ATE1: variants seen among roughly 807,000 people sequenced by gnomAD.
The protein encoded by ATE1 is arginyltransferase 1, also known as arginyl-tRNA--protein transferase 1.
ATE1 carries 36 observed loss-of-function variants against 70.5 expected under a neutral mutation model. That is an observed-to-expected ratio of 0.51 (90% CI 0.39 to 0.67). ATE1 has a LOEUF of 0.67. Ranked by LOEUF, ATE1 falls within the 30% of genes least tolerant of loss-of-function variation. The pLI is 0.00. For missense variants in ATE1, 593 were observed against 629.5 expected (o/e 0.94, Z 0.62); for synonymous variants, 232 against 219.3 (o/e 1.06, Z -0.51).
chr10:121,920,732 C>T (rs1335758544), intron 3 of ATE1, among the ~76,000 whole-genome samples: 1 of 152,106 alleles, frequency 6.6e-6, no homozygotes, highest in South Asian at 2.1e-4. Context: ...CAGTGGCTCA[C>T]GCCTGTAATA....
At chr10:121,793,750 C>T (rs2173244) in intron 10 of ATE1, among the ~76,000 whole-genome samples, 102,267 of 151,876 alleles carry the variant, frequency 0.67, 34,598 homozygotes, top group African/African-American at 0.74. Context: ...AAATATGTCA[C>T]AAATCTTTTC....
intron 8 of ATE1, among the ~76,000 whole-genome samples, chr10:121,856,435 C>A (rs1253528590): frequency 6.6e-6 from 1 of 152,094 alleles, no homozygotes; most frequent in Non-Finnish European, 1.5e-5. Context: ...GAGGCTGAGG[C>A]AGGAGAATCG....
At chr10:121,886,038 C>T (rs1322336944) in intron 7 of ATE1, among the ~76,000 whole-genome samples, 1 of 152,076 alleles carries the variant, frequency 6.6e-6, no homozygotes, top group African/African-American at 2.4e-5. Flanking sequence ...AATCTGAAAT[C>T]TGAAAGCTCC....
At chr10:121,817,516 G>A (rs917467894) in intron 10 of ATE1, among the ~76,000 whole-genome samples, 2 of 144,444 alleles carry the variant, frequency 1.4e-5, no homozygotes, top group African/African-American at 5.2e-5. Flanking sequence ...TCCAGCCTGG[G>A]CGACAGAGCG....
intron 11 of ATE1, 140 bp downstream of exon 11, chr10:121,790,029 T>TACAC (rs3036895): frequency 0.74 from 658,436 of 887,954 alleles, 219,442 homozygotes; most frequent in Admixed American, 0.78. Flanking sequence ...TCCTCTATCT[T>TACAC]ACACACACAC....
chr10:121,824,446 C>T (rs1477897427), intron 10 of ATE1, among the ~76,000 whole-genome samples: 1 of 152,176 alleles, frequency 6.6e-6, no homozygotes, highest in Non-Finnish European at 1.5e-5. Context: ...GCAGACGCAG[C>T]TCTGTTAATT....
intron 10 of ATE1, among the ~76,000 whole-genome samples, chr10:121,819,779 T>A (rs945675306): frequency 6.6e-6 from 1 of 151,356 alleles, no homozygotes; most frequent in Non-Finnish European, 1.5e-5. Context: ...ACTAAAGGAT[T>A]TATTCATGTA....
At chr10:121,918,162 G>A (rs917448305) in intron 3 of ATE1, among the ~76,000 whole-genome samples, 2 of 152,114 alleles carry the variant, frequency 1.3e-5, no homozygotes, top group Non-Finnish European at 1.5e-5. Context: ...GTGAAACCCC[G>A]TCTCTACTAA....
intron 7 of ATE1, among the ~76,000 whole-genome samples, chr10:121,877,105 ACT>A (rs781382907): frequency 2.6e-5 from 4 of 151,988 alleles, no homozygotes; most frequent in Non-Finnish European, 5.9e-5. Context: ...CCAAAGAAAG[ACT>A]CTGGTTCTGG....
intron 10 of ATE1, among the ~76,000 whole-genome samples, chr10:121,835,532 A>T (rs1195120514): frequency 2.6e-5 from 4 of 151,912 alleles, no homozygotes; most frequent in African/African-American, 9.7e-5. Flanking sequence ...TAAGAGACAC[A>T]TCGCAAATAT....
At chr10:121,920,848 G>T (rs1169872877) in intron 3 of ATE1, among the ~76,000 whole-genome samples, 1 of 151,916 alleles carries the variant, frequency 6.6e-6, no homozygotes, top group Non-Finnish European at 1.5e-5. Context: ...CAAAAAATTA[G>T]CCGGGCGTGG....
Position 121,913,817 on chromosome 10 carries a change from C to T in ATE1, c.310G>A (p.Gly104Arg), listed in dbSNP as rs1447163408. Residue 104 changes from glycine to arginine, a missense_variant, in exon 4 of 12, where the codon GGG becomes AGG. Physicochemically the swap from Gly to Arg is moderately radical, Grantham distance 125. Transcript: ENST00000224652. ...TCACAACTTCCTTTGGGAACCTCCC[C>T]TTTAGCTAGAAATTTCAACATTTTT... ...LKKMLKFLAK[G>R]EVPKGSCEDE... 1.2e-6 allele frequency: 2 copies of T among 1,613,128 alleles called. No homozygotes were observed. The highest frequency in any genetic ancestry group is 3.3e-5 in the Admixed American group (2 of 59,956).
intron 8 of ATE1, among the ~76,000 whole-genome samples, chr10:121,851,886 C>A (rs1949068759): frequency 6.6e-6 from 1 of 152,234 alleles, no homozygotes; most frequent in Admixed American, 6.5e-5. Context: ...GGAATGACTT[C>A]TGTGATTAAT....
intron 10 of ATE1, among the ~76,000 whole-genome samples, chr10:121,808,823 A>C (rs1414105344): frequency 6.6e-6 from 1 of 152,186 alleles, no homozygotes; most frequent in African/African-American, 2.4e-5. Flanking sequence ...ACTACACCAA[A>C]ATCGCACTAG....
intron 10 of ATE1, among the ~76,000 whole-genome samples, chr10:121,792,641 T>C (rs916832176): frequency 3.3e-5 from 5 of 152,216 alleles, no homozygotes; most frequent in African/African-American, 1.2e-4. Flanking sequence ...CACTGCTATC[T>C]ATCTTATCAA....
chr10:121,881,669 T>TAAAA (rs11309013), intron 7 of ATE1, among the ~76,000 whole-genome samples: 2 of 125,602 alleles, frequency 1.6e-5, no homozygotes, highest in African/African-American at 3.0e-5. Flanking sequence ...TCCTGTCTCT[T>TAAAA]AAAAAAAAAA....
chr10:121,893,598 C>CA (rs995921557), intron 7 of ATE1, among the ~76,000 whole-genome samples: 10 of 151,388 alleles, frequency 6.6e-5, no homozygotes, highest in South Asian at 2.1e-4. Context: ...AATAATGGCA[C>CA]AAAAAAGGGA....
At chr10:121,832,401 C>A (rs1948273918) in intron 10 of ATE1, among the ~76,000 whole-genome samples, 1 of 152,150 alleles carries the variant, frequency 6.6e-6, no homozygotes, top group African/African-American at 2.4e-5. Flanking sequence ...AGCACTATCC[C>A]CTAACAGAGC....
chr10:121,875,680 C>T (rs1950029335), intron 7 of ATE1, among the ~76,000 whole-genome samples: 1 of 152,120 alleles, frequency 6.6e-6, no homozygotes, highest in Non-Finnish European at 1.5e-5. Context: ...GCACGGCAGT[C>T]TCCTGAGACA....
Sources: gnomAD v4.1 joint callset for allele counts (sites outside exome capture counted in the v4.1 genomes callset) on GRCh38, gnomAD v4.1.1 for gene constraint, MANE v1.5 for transcripts, NCBI Gene and HGNC (gene_info 2026-07-23, HGNC 2026-07-21) for gene names.